SCML4: variants seen among roughly 807,000 people sequenced by gnomAD.
The protein encoded by SCML4 is sex comb on midleg-like protein 4.
In SCML4, 34 loss-of-function variants were observed where a neutral mutation model predicts 41.1. The observed-to-expected ratio is 0.83, with a 90% CI of 0.63 to 1.10. SCML4 has a LOEUF of 1.10. Among genes scored for constraint, SCML4 ranks in the 50% least tolerant of loss-of-function variants. SCML4 has a pLI of 0.00. For synonymous variants in SCML4, 214 were observed against 220.9 expected, an observed-to-expected ratio of 0.97 and a Z score of 0.28; for missense variants, 522 against 534.1, an observed-to-expected ratio of 0.98 and a Z score of 0.22.
intron 1 of SCML4, among the ~76,000 whole-genome samples, chr6:107,822,495 CTTTTTTTCTTTTCT>C (rs760623342): frequency 1.7e-3 from 131 of 77,840 alleles, no homozygotes; most frequent in South Asian, 5.6e-3. Context: ...TTACTCTTTT[CTTTTTTTCTTTTCT>C]TTTTTTTTTT....
In SCML4 at chr6:107,750,111, T is replaced by A. The variant is rs544797200; in HGVS notation, c.157-298A>T. The stretch of plus-strand genomic sequence containing the variant: ...GAAGAGTTGGCATCCATGAACGCTT[T>A]GAGTGCAGAATGCAGGATAGGAGAG... On this transcript the variant is annotated intron_variant, in intron 2 of 7. Coordinates refer to ENST00000369020, the MANE Select transcript of SCML4 (RefSeq NM_198081.5). Among the ~76,000 whole-genome samples the A allele has an allele frequency of 1.9e-4, 29 of 152,294 alleles. No individual in the cohort carries two copies. The South Asian group carries it at 6.0e-3, about 32-fold the overall frequency.
the SCML4 span, among the ~76,000 whole-genome samples, chr6:107,835,224 G>T: frequency 6.6e-6 from 1 of 151,982 alleles, no homozygotes; most frequent in Admixed American, 6.6e-5. Context: ...AGCTGGGAGT[G>T]GTGGCATGTG....
At chr6:107,781,462 T>C (rs796613790) in intron 1 of SCML4, among the ~76,000 whole-genome samples, 1 of 152,080 alleles carries the variant, frequency 6.6e-6, no homozygotes, top group African/African-American at 2.4e-5. Context: ...GCCTGAGCAA[T>C]AGGGCATAAC....
upstream of SCML4, among the ~76,000 whole-genome samples, chr6:107,828,058 T>C (rs1785309099): frequency 6.6e-6 from 1 of 152,246 alleles, no homozygotes; most frequent in African/African-American, 2.4e-5. Flanking sequence ...ATCCCATTTA[T>C]GACAATCCTA....
intron 1 of SCML4, among the ~76,000 whole-genome samples, chr6:107,815,678 G>T (rs956201522): frequency 6.6e-6 from 1 of 152,172 alleles, no homozygotes; most frequent in Admixed American, 6.5e-5. Flanking sequence ...AGAGGCGGGT[G>T]CCTGCGTTGG....
chr6:107,708,629 A>G (rs1189017308), intron 6 of SCML4, among the ~76,000 whole-genome samples: 1 of 152,184 alleles, frequency 6.6e-6, no homozygotes, highest in Non-Finnish European at 1.5e-5. Flanking sequence ...TCACTGCCCC[A>G]GGTACACATT....
At chr6:107,845,995 G>T in the SCML4 span, among the ~76,000 whole-genome samples, 1 of 152,152 alleles carries the variant, frequency 6.6e-6, no homozygotes, top group Non-Finnish European at 1.5e-5. Flanking sequence ...GGAGAGAAGG[G>T]CGCTCCCTGA....
At chr6:107,746,927 C>G (rs535489641) in intron 3 of SCML4, 38 bp from the exon 4 acceptor site, 8 of 1,560,516 alleles carry the variant, frequency 5.1e-6, no homozygotes, top group East Asian at 2.3e-5. Context: ...CGGCATCAGG[C>G]GCGCATCAGG....
At chr6:107,780,595 G>T (rs558615004) in intron 1 of SCML4, among the ~76,000 whole-genome samples, 5 of 152,030 alleles carry the variant, frequency 3.3e-5, no homozygotes, top group South Asian at 4.2e-4. Flanking sequence ...TGGTCCCAGC[G>T]ACTTGGGAGG....
chr6:107,786,123 A>C (rs1251154107), intron 1 of SCML4, among the ~76,000 whole-genome samples: 4 of 152,226 alleles, frequency 2.6e-5, no homozygotes, highest in Non-Finnish European at 2.9e-5. Flanking sequence ...AGTCTTCTGG[A>C]ATAATGAAAC....
At chr6:107,751,181 A>C (rs1562218018) in intron 2 of SCML4, among the ~76,000 whole-genome samples, 1 of 152,234 alleles carries the variant, frequency 6.6e-6, no homozygotes, top group Non-Finnish European at 1.5e-5. Context: ...ATGATATAGT[A>C]GATTACATGT....
At chr6:107,769,414 A>G (rs1436563411) in intron 2 of SCML4, among the ~76,000 whole-genome samples, 1 of 152,216 alleles carries the variant, frequency 6.6e-6, no homozygotes, top group Non-Finnish European at 1.5e-5. Context: ...CCTGTGTTAC[A>G]TGTTCTTGAG....
chr6:107,802,066 C>A (rs1344124051), intron 1 of SCML4, among the ~76,000 whole-genome samples: 1 of 152,082 alleles, frequency 6.6e-6, no homozygotes, highest in Non-Finnish European at 1.5e-5. Context: ...CCACTGCACC[C>A]GGCCTATTCA....
At chr6:107,716,895 C>T (rs1774859827) in intron 6 of SCML4, among the ~76,000 whole-genome samples, 1 of 152,056 alleles carries the variant, frequency 6.6e-6, no homozygotes, top group Non-Finnish European at 1.5e-5. Context: ...TCCTTCCTTC[C>T]GTCTTCTCCC....
At chr6:107,803,516 C>T (rs1303077567) in intron 1 of SCML4, among the ~76,000 whole-genome samples, 2 of 149,312 alleles carry the variant, frequency 1.3e-5, no homozygotes, top group Non-Finnish European at 3.0e-5. Flanking sequence ...GTGAGGAGCC[C>T]CTCTGCCCGG....
At chr6:107,754,389 T>C (rs1425295261) in intron 2 of SCML4, among the ~76,000 whole-genome samples, 3 of 152,224 alleles carry the variant, frequency 2.0e-5, no homozygotes, top group Admixed American at 2.0e-4. Context: ...GACTTCCTCA[T>C]CTGCCAAGTG....
At chr6:107,766,866 C>A (rs1394066772) in intron 2 of SCML4, among the ~76,000 whole-genome samples, 1 of 152,116 alleles carries the variant, frequency 6.6e-6, no homozygotes, top group Non-Finnish European at 1.5e-5. Flanking sequence ...CAATCCATAC[C>A]TACCATCAGC....
intron 5 of SCML4, among the ~76,000 whole-genome samples, chr6:107,736,898 C>A (rs1190039403): frequency 5.9e-5 from 9 of 152,218 alleles, no homozygotes; most frequent in African/African-American, 2.2e-4. Flanking sequence ...CATCTTCCAC[C>A]CCCTGCCATC....
upstream of SCML4, among the ~76,000 whole-genome samples, chr6:107,825,352 T>C (rs1205018638): frequency 1.3e-5 from 2 of 152,234 alleles, no homozygotes. Context: ...ACCTGGCCAG[T>C]TACTGAGAGT....
Sources: gnomAD v4.1 joint callset for allele counts (sites outside exome capture counted in the v4.1 genomes callset) on GRCh38, gnomAD v4.1.1 for gene constraint, MANE v1.5 for transcripts, NCBI Gene and HGNC (gene_info 2026-07-23, HGNC 2026-07-21) for gene names.